Variants in AVL9 observed in about 807,000 individuals in gnomAD.
The protein encoded by AVL9 is late secretory pathway protein AVL9 homolog.
A neutral mutation model predicts 79.2 loss-of-function variants in AVL9; 49 were observed. The ratio of observed to expected loss-of-function variants is 0.62; its 90% confidence interval spans 0.49 to 0.79. AVL9 has a LOEUF of 0.79. Among genes scored for constraint, AVL9 ranks in the 30% least tolerant of loss-of-function variants. The pLI is 0.00. For synonymous variants in AVL9, 299 were observed against 280.6 expected, an observed-to-expected ratio of 1.07 and a Z score of -0.65; for missense variants, 682 against 776.8, an observed-to-expected ratio of 0.88 and a Z score of 1.45.
intron 1 of AVL9, among the ~76,000 whole-genome samples, chr7:32,508,689 C>CA (rs1475249905): frequency 3.3e-5 from 5 of 152,134 alleles, no homozygotes; most frequent in Non-Finnish European, 5.9e-5. Context: ...ATTACTTACT[C>CA]ATTTGGGCAT....
At chr7:32,557,884 C>G (rs1239446301) in intron 8 of AVL9, among the ~76,000 whole-genome samples, 24 of 135,704 alleles carry the variant, frequency 1.8e-4, no homozygotes, top group African/African-American at 6.3e-4. Flanking sequence ...GAGACAGAGT[C>G]TTGCTCTGTC....
At chr7:32,522,019 G>C (rs1471827634) in intron 1 of AVL9, among the ~76,000 whole-genome samples, 1 of 152,200 alleles carries the variant, frequency 6.6e-6, no homozygotes, top group Non-Finnish European at 1.5e-5. Flanking sequence ...TGAGGTTTGG[G>C]AACCTCTACC....
chr7:32,542,877 T>G (rs1412768783), intron 1 of AVL9, among the ~76,000 whole-genome samples: 1 of 152,158 alleles, frequency 6.6e-6, no homozygotes, highest in Non-Finnish European at 1.5e-5. Flanking sequence ...TGCAGTTCAA[T>G]CACCAACCCC....
At chr7:32,545,555 A>G (rs1653583592) in intron 3 of AVL9, among the ~76,000 whole-genome samples, 2 of 151,196 alleles carry the variant, frequency 1.3e-5, no homozygotes, top group Admixed American at 6.6e-5. Context: ...TTTTTTATGG[A>G]GACAAGGTTT....
At chr7:32,510,024 C>T (rs76916965) in intron 1 of AVL9, among the ~76,000 whole-genome samples, 2,346 of 152,332 alleles carry the variant, frequency 0.015, 68 homozygotes, top group African/African-American at 0.053. Context: ...ACATTTTCTA[C>T]GTCCATTAAA....
intron 10 of AVL9, among the ~76,000 whole-genome samples, chr7:32,563,152 C>G (rs1408008730): frequency 6.6e-6 from 1 of 152,108 alleles, no homozygotes; most frequent in Non-Finnish European, 1.5e-5. Context: ...CTGCCTCAGC[C>G]TCCCTAGTAG....
intron 10 of AVL9, among the ~76,000 whole-genome samples, chr7:32,568,010 G>A (rs1373057321): frequency 2.6e-5 from 4 of 151,344 alleles, no homozygotes; most frequent in East Asian, 2.0e-4. Flanking sequence ...GTGAGCCATC[G>A]CGCCCAGCCC....
intron 11 of AVL9, among the ~76,000 whole-genome samples, chr7:32,571,380 T>C (rs902385622): frequency 1.3e-5 from 2 of 151,448 alleles, no homozygotes; most frequent in Admixed American, 6.6e-5. Context: ...ATACAAAAAT[T>C]AGCTGGGCAT....
chr7:32,547,892 T>C (rs1257680486), intron 3 of AVL9, among the ~76,000 whole-genome samples: 4 of 152,202 alleles, frequency 2.6e-5, no homozygotes, highest in Admixed American at 2.6e-4. Context: ...GGCAGTACAC[T>C]AGAGGAGGAA....
rs1239612294 is a variant in AVL9 at position 32,548,835 on chromosome 7, T to C, written c.301-12T>C. 34 of 1,534,252 alleles carry C rather than the reference T, an allele frequency of 2.2e-5. No homozygotes were observed. Among genetic ancestry groups the C allele is most frequent in the Non-Finnish European group, 2.8e-5 (32 of 1,143,470 alleles). ...GAAATATTTCTGATAAATTGCTCTT[T>C]GTTCATAATAGGCACTGAAAGTAAG... On this transcript the variant is annotated splice_polypyrimidine_tract_variant and intron_variant, in intron 3 of 15. Coordinates refer to ENST00000318709, the MANE Select transcript of AVL9 (RefSeq NM_015060.3).
intron 10 of AVL9, among the ~76,000 whole-genome samples, chr7:32,562,160 A>G (rs567516833): frequency 6.6e-6 from 1 of 152,356 alleles, no homozygotes; most frequent in South Asian, 2.1e-4. Context: ...TGTTGGGAAA[A>G]TGGCACTGAC....
At chr7:32,553,622 CTTTTT>C in intron 6 of AVL9, 100 bp from the exon 7 acceptor site, 1 of 607,068 alleles carries the variant, frequency 1.6e-6, no homozygotes, top group Non-Finnish European at 2.8e-6. Flanking sequence ...CATATTCCTA[CTTTTT>C]TTTTTTTTTA....
intron 4 of AVL9, among the ~76,000 whole-genome samples, chr7:32,549,957 T>TGGCAAAAAAGAAAAGGAAC (rs1789735528): frequency 2.0e-5 from 3 of 150,932 alleles, no homozygotes; most frequent in African/African-American, 7.3e-5. Context: ...AGAAAAGGAA[T>TGGCAAAAAAGAAAAGGAAC]GGCTATTATA....
chr7:32,550,081 G>A (rs1048305060), intron 4 of AVL9, among the ~76,000 whole-genome samples: 4 of 152,146 alleles, frequency 2.6e-5, no homozygotes, highest in Non-Finnish European at 5.9e-5. Flanking sequence ...TACTGGACCA[G>A]ATGACAGAAG....
At position 32,583,596 on chromosome 7, in the gene AVL9, T is replaced by C. The variant is rs1791621013; in HGVS notation, c.1832-196T>C. On this transcript the variant is annotated intron_variant, in intron 15 of 15. Coordinates refer to ENST00000318709, the MANE Select transcript of AVL9 (RefSeq NM_015060.3). ...TGGGAAGCTGAGGTGGGAGGATCAC[T>C]TGAGCCTAGGATGTCAAGGCTGCAG... Among the ~76,000 whole-genome samples the C allele has an allele frequency of 2.0e-5, 3 of 152,152 alleles. No individual in the cohort carries two copies. In the South Asian group the frequency reaches 6.2e-4, roughly 32 times the overall value.
intron 12 of AVL9, among the ~76,000 whole-genome samples, chr7:32,574,871 G>A (rs1226501962): frequency 6.6e-6 from 1 of 152,128 alleles, no homozygotes; most frequent in African/African-American, 2.4e-5. Context: ...GTATGGAACT[G>A]TGTATCTCAT....
At chr7:32,579,798 C>G (rs1299585581) in intron 13 of AVL9, among the ~76,000 whole-genome samples, 2 of 148,704 alleles carry the variant, frequency 1.3e-5, no homozygotes, top group African/African-American at 5.0e-5. Context: ...ACCAATAGCA[C>G]ACATTTATAA....
chr7:32,575,790 A>T (rs549264564), intron 12 of AVL9, among the ~76,000 whole-genome samples, 165 bp from the exon 13 acceptor site: 3 of 152,318 alleles, frequency 2.0e-5, no homozygotes, highest in South Asian at 2.1e-4. Context: ...CCTTAACAGG[A>T]TTTCTGGAAC....
intron 1 of AVL9, among the ~76,000 whole-genome samples, chr7:32,542,507 GATCATGCCACTGC>G (rs1789261613): frequency 6.6e-6 from 1 of 152,080 alleles, no homozygotes; most frequent in Non-Finnish European, 1.5e-5. Context: ...AGTGAGCTGA[GATCATGCCACTGC>G]ACTCCAGCCT....
Sources: gnomAD v4.1 joint callset for allele counts (sites outside exome capture counted in the v4.1 genomes callset) on GRCh38, gnomAD v4.1.1 for gene constraint, MANE v1.5 for transcripts, NCBI Gene and HGNC (gene_info 2026-07-23, HGNC 2026-07-21) for gene names.